Variants in MDM4 observed in about 807,000 individuals in gnomAD.
MDM4 encodes MDM4 regulator of p53, also known as protein Mdm4.
A neutral mutation model predicts 60.2 loss-of-function variants in MDM4; 2 were observed. That is an observed-to-expected ratio of 0.03 (90% CI 0.01 to 0.10). The LOEUF is 0.10. Ranked by LOEUF, MDM4 falls within the 10% of genes least tolerant of loss-of-function variation. MDM4 has a pLI of 1.00. For missense variants in MDM4, 447 were observed against 577.5 expected, an observed-to-expected ratio of 0.77 and a Z score of 2.32; for synonymous variants, 202 against 198.1, an observed-to-expected ratio of 1.02 and a Z score of -0.17.
chr1:204,523,473 ATTTTTTTTT>A lies in MDM4; in HGVS notation c.-35-1991_-35-1983del, dbSNP rs60954516. On this transcript the variant is annotated intron_variant, in intron 1 of 10. Transcript: ENST00000367182. Reference sequence around the variant, plus strand: ...CAGAGCGAGACTCCACCTAAAAAAAATTTTTTTTTTTTTTTTTTTTTTTTTTTTGCGACA... The same window carrying A: ...CAGAGCGAGACTCCACCTAAAAAAAATTTTTTTTTTTTTTTTTTTGCGACA... 4.6e-4 allele frequency among the ~76,000 whole-genome samples: 27 copies of A among 58,968 alleles called. No individual in the cohort carries two copies. The East Asian group carries it at 7.5e-3, about 16-fold the overall frequency. The allele number at this position is 58,968 out of a possible 152,430, so 38.7% of individuals were successfully genotyped here.
intron 3 of MDM4, chr1:204,529,236 CTCA>C: frequency 2.7e-6 from 2 of 729,186 alleles, no homozygotes; most frequent in Non-Finnish European, 5.0e-6. Flanking sequence ...TGAGGCAGGT[CTCA>C]TCATTGAACA....
intron 3 of MDM4, chr1:204,529,075 G>A (rs944258891): frequency 7.0e-7 from 1 of 1,437,084 alleles, no homozygotes; most frequent in Non-Finnish European, 9.7e-7. Context: ...GACAGAGCTT[G>A]CTGCAGCTCT....
In MDM4 at chr1:204,532,790, G is replaced by A. The variant is rs890634310; in HGVS notation, c.343+544G>A. 2.5e-6 allele frequency: 4 copies of A among 1,611,318 alleles called. No individual in the cohort carries two copies. In the South Asian group the frequency reaches 3.3e-5, roughly 13 times the overall value. On this transcript the variant is annotated intron_variant, in intron 5 of 10. Transcript: ENST00000367182. ...GAAGAAATGGGTCATTTGTTCTGTA[G>A]AATTTCCCACGCTCTAGAGTTGGCA...
intron 9 of MDM4, among the ~76,000 whole-genome samples, chr1:204,545,200 CTG>C (rs1399866860): frequency 6.6e-6 from 1 of 152,132 alleles, no homozygotes; most frequent in African/African-American, 2.4e-5. Flanking sequence ...GAACAGCAGT[CTG>C]TAGGAGAAAA....
At chr1:204,523,410 T>C (rs1659768682) in intron 1 of MDM4, among the ~76,000 whole-genome samples, 1 of 142,984 alleles carries the variant, frequency 7.0e-6, no homozygotes, top group Admixed American at 7.1e-5. Flanking sequence ...GAGCTTGCAG[T>C]GAGCCGAGAT....
At chr1:204,523,984 T>C (rs1432113940) in intron 1 of MDM4, among the ~76,000 whole-genome samples, 1 of 151,330 alleles carries the variant, frequency 6.6e-6, no homozygotes, top group African/African-American at 2.4e-5. Flanking sequence ...GCTGGGCGAG[T>C]AGTATGGCGG....
Position 204,519,238 on chromosome 1 carries a change from T to C in MDM4, c.-36+2729T>C, listed in dbSNP as rs189036241. Among the ~76,000 whole-genome samples, 4 of 152,326 alleles carry C rather than the reference T, an allele frequency of 2.6e-5. No homozygotes were observed. In the East Asian group the frequency reaches 7.7e-4, roughly 29 times the overall value. On this transcript the variant is annotated intron_variant, in intron 1 of 10. Transcript: ENST00000367182. ...AGGGCCTGACACTATAGGATTTTTT[T>C]ACTTTTTAAAATGCTTTTGGCAGGC... is the stretch of plus-strand genomic sequence containing the variant.
rs1572535736 is a variant in MDM4 at position 204,552,350 on chromosome 1, T to A, written c.*2668T>A. 1 of 129,436 alleles carries A rather than the reference T, an allele frequency of 7.7e-6. No homozygotes were observed. Among genetic ancestry groups the A allele is most frequent in the African/African-American group, 2.7e-5 (1 of 36,576 alleles). 8.0% of individuals were successfully genotyped at this position (129,436 alleles called of 1,614,324 possible). On this transcript the variant is annotated 3_prime_UTR_variant, in exon 11 of 11. Coordinates refer to ENST00000367182, the MANE Select transcript of MDM4 (RefSeq NM_002393.5). ...GTTTTTTTTTTTTTTTTTGAGACAG[T>A]CTCACTCTGTTGCCCAGGCTGGAGT...
intron 1 of MDM4, among the ~76,000 whole-genome samples, chr1:204,524,105 AACGAGGG>A (rs1659865327): frequency 1.3e-5 from 2 of 152,144 alleles, no homozygotes; most frequent in Non-Finnish European, 1.5e-5. Context: ...TGTTTACTGA[AACGAGGG>A]GCAAGGAGAT....
At chr1:204,521,921 A>G (rs1463361247) in intron 1 of MDM4, among the ~76,000 whole-genome samples, 1 of 152,198 alleles carries the variant, frequency 6.6e-6, no homozygotes, top group Non-Finnish European at 1.5e-5. Flanking sequence ...AAAGCAGGGA[A>G]GGAGATAGGG....
In MDM4 at chr1:204,557,794, A is replaced by G. The variant is rs190202770; in HGVS notation, c.*8112A>G. On this transcript the variant is annotated 3_prime_UTR_variant, in exon 11 of 11. Coordinates refer to ENST00000367182, the MANE Select transcript of MDM4 (RefSeq NM_002393.5). ...TGAAATTTTCCAAATATTTCCGATC[A>G]GAGAATCACAAGAGCAGCAAATGTG... 6 of 189,250 alleles carry G rather than the reference A, an allele frequency of 3.2e-5. No homozygotes were observed. In the East Asian group the frequency reaches 3.4e-4, roughly 11 times the overall value. The allele number at this position is 189,250 out of a possible 1,614,324, so 11.7% of individuals were successfully genotyped here. A position where few individuals can be genotyped will look rare whatever the true frequency, so the allele number is the denominator to read the frequency against.
intron 1 of MDM4, among the ~76,000 whole-genome samples, chr1:204,524,273 A>G (rs1253035995): frequency 1.3e-5 from 2 of 152,152 alleles, no homozygotes; most frequent in Non-Finnish European, 2.9e-5. Flanking sequence ...AGAGGAATTT[A>G]TTAAATCCTA....
intron 3 of MDM4, among the ~76,000 whole-genome samples, chr1:204,527,381 T>C (rs1327360733): frequency 2.6e-5 from 4 of 151,952 alleles, no homozygotes; most frequent in Admixed American, 6.6e-5. Context: ...GTGTCAGATA[T>C]GGTGGCTCAC....
In MDM4 at chr1:204,556,843, G is replaced by A. The variant is rs541029037; in HGVS notation, c.*7161G>A. The A allele has an allele frequency of 4.3e-5, 9 of 209,376 alleles. No individual in the cohort carries two copies. Among genetic ancestry groups the A allele is most frequent in the South Asian group, 1.9e-4 (1 of 5,354 alleles). 13.0% of individuals were successfully genotyped at this position (209,376 alleles called of 1,614,324 possible). A position where few individuals can be genotyped will look rare whatever the true frequency, so the allele number is the denominator to read the frequency against. On this transcript the variant is annotated 3_prime_UTR_variant, in exon 11 of 11. Coordinates refer to ENST00000367182, the MANE Select transcript of MDM4 (RefSeq NM_002393.5). ...AATCAACAGGAAATGTTTCAAAGGA[G>A]GGATGAAATGCTTCTTGGCTTCCTC...
At chr1:204,530,947 A>G in intron 4 of MDM4, 130 bp downstream of exon 4, 1 of 1,182,118 alleles carries the variant, frequency 8.5e-7, no homozygotes, top group Non-Finnish European at 1.2e-6. Flanking sequence ...GTAGCCTATG[A>G]GGCACTGAGA....
At chr1:204,542,542 T>G (rs1662210770) in intron 7 of MDM4, among the ~76,000 whole-genome samples, 1 of 152,150 alleles carries the variant, frequency 6.6e-6, no homozygotes, top group African/African-American at 2.4e-5. Flanking sequence ...AGACAATGCT[T>G]TTAGAGTTTA....
At chr1:204,540,129 C>G (rs868013701) in intron 7 of MDM4, among the ~76,000 whole-genome samples, 6 of 151,124 alleles carry the variant, frequency 4.0e-5, no homozygotes, top group Non-Finnish European at 7.4e-5. Context: ...AAAAAAAATA[C>G]AAAAAATTAG....
chr1:204,553,657 G>A lies in MDM4; in HGVS notation c.*3975G>A, dbSNP rs1392163181. 2 of 227,280 alleles carry A rather than the reference G, an allele frequency of 8.8e-6. No individual in the cohort carries two copies. Among genetic ancestry groups the A allele is most frequent in the African/African-American group, 2.2e-5 (1 of 45,058 alleles). 14.1% of individuals were successfully genotyped at this position (227,280 alleles called of 1,614,324 possible). On this transcript the variant is annotated 3_prime_UTR_variant, in exon 11 of 11. Transcript: ENST00000367182. ...AATATTTATGATTGTTATCTTGGGC[G>A]AAAAGTTCAGAGCAGAGATGACAAA... is the stretch of plus-strand genomic sequence containing the variant.
chr1:204,548,971 T>TG (rs1487829677), intron 10 of MDM4, 142 bp from the exon 11 acceptor site: 7 of 607,312 alleles, frequency 1.2e-5, no homozygotes, highest in African/African-American at 1.1e-4. Context: ...TTCATGTGGC[T>TG]GTAGAATTTG....
Sources: allele counts gnomAD v4.1 joint callset (sites outside exome capture counted in the v4.1 genomes callset), GRCh38; gene constraint gnomAD v4.1.1; transcripts MANE v1.5; gene names NCBI Gene and HGNC (gene_info 2026-07-23, HGNC 2026-07-21).